Variants in RBFOX2 observed in about 807,000 individuals in gnomAD.
The protein encoded by RBFOX2 is RNA binding fox-1 homolog 2, also known as RNA binding protein fox-1 homolog 2.
A neutral mutation model predicts 49.1 loss-of-function variants in RBFOX2; 10 were observed. The ratio of observed to expected loss-of-function variants is 0.20; its 90% CI spans 0.13 to 0.35. The LOEUF (loss-of-function observed/expected upper bound fraction) is 0.35, where lower values mean the gene tolerates loss of function less well. RBFOX2 is among the 10% of genes least tolerant of loss of function. RBFOX2 has a pLI of 1.00. For missense variants in RBFOX2, 323 were observed against 486.9 expected, an observed-to-expected ratio of 0.66 and a Z score of 3.17; for synonymous variants, 183 against 187.4, an observed-to-expected ratio of 0.98 and a Z score of 0.19.
At chr22:35,879,285 G>T (rs569054781) in intron 1 of RBFOX2, among the ~76,000 whole-genome samples, 2 of 152,208 alleles carry the variant, frequency 1.3e-5, no homozygotes, top group South Asian at 4.2e-4. Flanking sequence ...GAAATAATTC[G>T]TACTGGATAT....
intron 1 of RBFOX2, among the ~76,000 whole-genome samples, chr22:35,829,459 TA>T (rs561483840): frequency 6.6e-6 from 1 of 151,770 alleles, no homozygotes; most frequent in Admixed American, 6.6e-5. Flanking sequence ...ATCTGAGATT[TA>T]AAAAACACAT....
chr22:35,859,879 A>T (rs950753104), intron 1 of RBFOX2, among the ~76,000 whole-genome samples: 1 of 152,098 alleles, frequency 6.6e-6, no homozygotes. Context: ...TATTCACTTT[A>T]AATTTACAAG....
At chr22:35,823,788 A>ATAC (rs1247214458) in intron 1 of RBFOX2, among the ~76,000 whole-genome samples, 1 of 152,264 alleles carries the variant, frequency 6.6e-6, no homozygotes, top group Non-Finnish European at 1.5e-5. Flanking sequence ...AACTGCCTGT[A>ATAC]TACTTATGCT....
chr22:35,974,982 G>A (rs902553303), intron 1 of RBFOX2, among the ~76,000 whole-genome samples: 5 of 152,186 alleles, frequency 3.3e-5, no homozygotes, highest in Non-Finnish European at 5.9e-5. Context: ...CAGAGGCAAC[G>A]TAGTAGACGG....
intron 1 of RBFOX2, among the ~76,000 whole-genome samples, chr22:35,957,603 G>A (rs190451294): frequency 6.6e-6 from 1 of 152,184 alleles, no homozygotes; most frequent in Non-Finnish European, 1.5e-5. Flanking sequence ...AATTCTGTTA[G>A]ATAGATAACA....
At chr22:35,783,338 G>A (rs1055882885) in intron 2 of RBFOX2, among the ~76,000 whole-genome samples, 1 of 152,112 alleles carries the variant, frequency 6.6e-6, no homozygotes, top group Non-Finnish European at 1.5e-5. Flanking sequence ...GCCTTTCCAC[G>A]TGGCTTTTAA....
intron 1 of RBFOX2, among the ~76,000 whole-genome samples, chr22:35,838,561 G>A (rs948893382): frequency 4.6e-5 from 7 of 151,760 alleles, no homozygotes; most frequent in East Asian, 3.9e-4. Context: ...TGGCCTCCAC[G>A]GTGCAACAAG....
intron 1 of RBFOX2, among the ~76,000 whole-genome samples, chr22:35,919,469 G>A (rs1376257877): frequency 1.3e-5 from 2 of 151,690 alleles, no homozygotes; most frequent in Non-Finnish European, 2.9e-5. Flanking sequence ...GGAGGCGGAG[G>A]TTGCAGTGAG....
At chr22:35,788,330 A>C (rs1602803970) in intron 2 of RBFOX2, among the ~76,000 whole-genome samples, 2 of 152,234 alleles carry the variant, frequency 1.3e-5, no homozygotes, top group Non-Finnish European at 2.9e-5. Flanking sequence ...GAATCTCTTA[A>C]TGAATTCAGA....
chr22:35,994,178 T>C, intron 1 of RBFOX2: 1 of 148,458 alleles, frequency 6.7e-6, no homozygotes, highest in East Asian at 2.0e-4. Flanking sequence ...ATATTAAAAA[T>C]GGTAAAAAAA....
intron 1 of RBFOX2, among the ~76,000 whole-genome samples, chr22:35,983,178 G>T (rs1330394738): frequency 6.6e-6 from 1 of 152,174 alleles, no homozygotes; most frequent in East Asian, 1.9e-4. Context: ...CAAGGTGCTG[G>T]AAATAGTAGA....
intron 1 of RBFOX2, among the ~76,000 whole-genome samples, chr22:35,978,336 T>C (rs145904063): frequency 1.5e-4 from 23 of 152,282 alleles, no homozygotes; most frequent in African/African-American, 4.1e-4. Context: ...CAAAGAGATA[T>C]GGAAATATAG....
At chr22:36,009,070 C>T (rs2146342800) in intron 1 of RBFOX2, among the ~76,000 whole-genome samples, 1 of 152,260 alleles carries the variant, frequency 6.6e-6, no homozygotes, top group East Asian at 1.9e-4. Context: ...ATATCTCATG[C>T]ATTTGCTTCT....
intron 1 of RBFOX2, among the ~76,000 whole-genome samples, chr22:35,884,875 C>A (rs1007848073): frequency 4.6e-5 from 7 of 152,116 alleles, no homozygotes; most frequent in Non-Finnish European, 1.0e-4. Context: ...TTTGAATCTT[C>A]CTTCCCCGTT....
chr22:35,781,068 T>A (rs1379870040), intron 3 of RBFOX2, among the ~76,000 whole-genome samples: 1 of 152,174 alleles, frequency 6.6e-6, no homozygotes, highest in Non-Finnish European at 1.5e-5. Context: ...CCCAAACTTA[T>A]GTGCACATTA....
At position 35,819,554 on chromosome 22, in the gene RBFOX2, G is replaced by A. The variant is rs569952197; in HGVS notation, c.28-9550C>T. On this transcript the variant is annotated intron_variant, in intron 1 of 11. Transcript: ENST00000405409. ...CTTCTTAAAATCCTAGACTGCCAAT[G>A]TTTACAGTCTCAAGTCCAAATACCT... 2.0e-5 allele frequency among the ~76,000 whole-genome samples: 3 copies of A among 152,306 alleles called. No individual in the cohort carries two copies. In the South Asian group the frequency reaches 6.2e-4, roughly 32 times the overall value.
At chr22:36,012,425 G>A (rs1239767463) in intron 1 of RBFOX2, among the ~76,000 whole-genome samples, 4 of 152,202 alleles carry the variant, frequency 2.6e-5, no homozygotes, top group East Asian at 3.9e-4. Context: ...GGGCCTGCAC[G>A]AAAGCATTTT....
chr22:35,974,953 G>A (rs2057070029), intron 1 of RBFOX2, among the ~76,000 whole-genome samples: 1 of 152,090 alleles, frequency 6.6e-6, no homozygotes, highest in Non-Finnish European at 1.5e-5. Context: ...ATTTCATCCT[G>A]ATCAGTCTCT....
intron 1 of RBFOX2, among the ~76,000 whole-genome samples, chr22:35,971,330 T>C (rs1569515569): frequency 6.6e-6 from 1 of 152,198 alleles, no homozygotes; most frequent in Non-Finnish European, 1.5e-5. Context: ...TGCAATGTTA[T>C]ATTTTGAACC....
Sources: allele counts gnomAD v4.1 joint callset (sites outside exome capture counted in the v4.1 genomes callset), GRCh38; gene constraint gnomAD v4.1.1; transcripts MANE v1.5; gene names NCBI Gene and HGNC (gene_info 2026-07-23, HGNC 2026-07-21).